ETV6: variants seen among roughly 807,000 people sequenced by gnomAD.
ETV6 encodes the protein ETS variant transcription factor 6.
ETV6 carries 16 observed loss-of-function variants against 51.1 expected under a neutral mutation model. That is an observed-to-expected ratio of 0.31 (90% confidence interval 0.21 to 0.48). The LOEUF is 0.48. Among genes scored for constraint, ETV6 ranks in the 20% least tolerant of loss-of-function variants. The probability of loss-of-function intolerance (pLI) is 0.99; values close to 1 mark genes in which losing one functional copy is unlikely to be tolerated. For synonymous variants in ETV6, 240 were observed against 224.1 expected (o/e 1.07, Z -0.64); for missense variants, 458 against 594.8 (o/e 0.77, Z 2.39).
At chr12:11,794,420 G>T (rs546044686) in intron 2 of ETV6, among the ~76,000 whole-genome samples, 1 of 152,146 alleles carries the variant, frequency 6.6e-6, no homozygotes, top group Non-Finnish European at 1.5e-5. Flanking sequence ...TCTAGTGCAC[G>T]CTCCAGGCGT....
In ETV6 at chr12:11,891,664, CTCTGTTCTTCCCTTGG is replaced by C; in HGVS notation, c.*621_*636del. On this transcript the variant is annotated 3_prime_UTR_variant, in exon 8 of 8. Coordinates refer to ENST00000396373, the MANE Select transcript of ETV6 (RefSeq NM_001987.5). ...GAGAGCTCTCTTTTTCTCTCTCTTG[CTCTGTTCTTCCCTTGG>C]TCCCCTCTGTCCTCCCGCCCTGCCT... is the stretch of plus-strand genomic sequence containing the variant. 1.9e-6 allele frequency: 1 copy of C among 518,540 alleles called. No individual in the cohort carries two copies. The highest frequency in any genetic ancestry group is 3.7e-6 in the Non-Finnish European group (1 of 269,696). The allele number at this position is 518,540 out of a possible 1,614,324, so 32.1% of individuals were successfully genotyped here.
chr12:11,836,913 C>A (rs749071449), intron 2 of ETV6, among the ~76,000 whole-genome samples: 48 of 152,342 alleles, frequency 3.2e-4, no homozygotes, highest in Non-Finnish European at 5.3e-4. Flanking sequence ...ACCAGACCTT[C>A]ACATGTGTCC....
intron 2 of ETV6, among the ~76,000 whole-genome samples, chr12:11,807,747 C>T (rs544807688): frequency 6.6e-6 from 1 of 152,248 alleles, no homozygotes; most frequent in South Asian, 2.1e-4. Context: ...ACAGGATGCA[C>T]CTGTCTAGAG....
chr12:11,742,737 A>G (rs1183045117), intron 1 of ETV6, among the ~76,000 whole-genome samples: 1 of 152,046 alleles, frequency 6.6e-6, no homozygotes, highest in Non-Finnish European at 1.5e-5. Context: ...TTGCATTAGT[A>G]GAGAACCTTT....
chr12:11,749,231 T>C (rs1202818682), intron 1 of ETV6, among the ~76,000 whole-genome samples: 1 of 151,724 alleles, frequency 6.6e-6, no homozygotes, highest in Non-Finnish European at 1.5e-5. Flanking sequence ...TCTGTAGCAT[T>C]TTAATTTAAT....
intron 2 of ETV6, among the ~76,000 whole-genome samples, chr12:11,792,718 T>C (rs1288006363): frequency 6.6e-6 from 1 of 151,666 alleles, no homozygotes; most frequent in East Asian, 1.9e-4. Flanking sequence ...TCTTTCAGTG[T>C]CAGGTCCCAT....
At chr12:11,879,640 T>C (rs996412909) in intron 5 of ETV6, among the ~76,000 whole-genome samples, 1 of 152,172 alleles carries the variant, frequency 6.6e-6, no homozygotes, top group African/African-American at 2.4e-5. Flanking sequence ...CTACTTCTCA[T>C]GGAAAAGAAA....
intron 2 of ETV6, among the ~76,000 whole-genome samples, chr12:11,777,625 C>T (rs1945349725): frequency 6.6e-6 from 1 of 152,080 alleles, no homozygotes. Flanking sequence ...CCTTGTCTTC[C>T]TGCTGTAAGT....
chr12:11,727,535 C>G (rs1380569915), intron 1 of ETV6, among the ~76,000 whole-genome samples: 3 of 152,248 alleles, frequency 2.0e-5, no homozygotes, highest in African/African-American at 7.2e-5. Context: ...TAAAGAAAGA[C>G]TCAGAGAAGA....
chr12:11,767,465 A>G (rs1945179633), intron 2 of ETV6, among the ~76,000 whole-genome samples: 1 of 151,936 alleles, frequency 6.6e-6, no homozygotes, highest in African/African-American at 2.4e-5. Context: ...GCATGGCTCG[A>G]CTCTGTGGGG....
chr12:11,695,942 C>T (rs527970120), intron 1 of ETV6, among the ~76,000 whole-genome samples: 1 of 152,202 alleles, frequency 6.6e-6, no homozygotes, highest in South Asian at 2.1e-4. Context: ...AATTACCAAG[C>T]CTCTTGCAGT....
chr12:11,650,362 C>T (rs534887961), intron 1 of ETV6, among the ~76,000 whole-genome samples: 2 of 148,300 alleles, frequency 1.3e-5, no homozygotes, highest in African/African-American at 2.5e-5. Flanking sequence ...ACCGCCGAGC[C>T]CCTGCCGGCT....
Position 11,891,562 on chromosome 12 carries a change from T to TGGATCAG in ETV6, c.*518_*524dup. 1 of 535,548 alleles carries TGGATCAG rather than the reference T, an allele frequency of 1.9e-6. No individual in the cohort carries two copies. The highest frequency in any genetic ancestry group is 1.5e-5 in the South Asian group (1 of 65,148). The allele number at this position is 535,548 out of a possible 1,614,324, so 33.2% of individuals were successfully genotyped here. A position where few individuals can be genotyped will look rare whatever the true frequency, so the allele number is the denominator to read the frequency against. Reference sequence around the variant, plus strand: ...TCAGGTTCCTCTTTTTCCTGCCACGTGGATCAGGTCTGTTCCTGTTACTGT... The same window carrying TGGATCAG: ...TCAGGTTCCTCTTTTTCCTGCCACGTGGATCAGGGATCAGGTCTGTTCCTGTTACTGT... On this transcript the variant is annotated 3_prime_UTR_variant, in exon 8 of 8. Transcript: ENST00000396373.
intron 7 of ETV6, among the ~76,000 whole-genome samples, chr12:11,887,306 C>T (rs939781935): frequency 2.0e-5 from 3 of 152,138 alleles, no homozygotes; most frequent in Non-Finnish European, 4.4e-5. Context: ...AGTGGTTAGG[C>T]TCTTAAATCT....
chr12:11,844,891 C>T (rs545238387), intron 3 of ETV6, among the ~76,000 whole-genome samples: 35 of 151,730 alleles, frequency 2.3e-4, no homozygotes, highest in Middle Eastern at 3.4e-3. Flanking sequence ...GAGTGCAGTG[C>T]CGTGATCTCG....
chr12:11,866,609 T>C (rs781656710), intron 4 of ETV6, among the ~76,000 whole-genome samples: 5 of 152,224 alleles, frequency 3.3e-5, no homozygotes, highest in Non-Finnish European at 7.3e-5. Flanking sequence ...CAGATCCCCT[T>C]GTCCTAGGGT....
chr12:11,654,072 C>T (rs1481219413), intron 1 of ETV6, among the ~76,000 whole-genome samples: 1 of 152,076 alleles, frequency 6.6e-6, no homozygotes, highest in Non-Finnish European at 1.5e-5. Flanking sequence ...CCTCAGCCTC[C>T]CAGAGTGCTG....
At chr12:11,790,407 C>G (rs907783224) in intron 2 of ETV6, among the ~76,000 whole-genome samples, 1 of 152,104 alleles carries the variant, frequency 6.6e-6, no homozygotes, top group African/African-American at 2.4e-5. Context: ...AACGTGCTCT[C>G]TAGGGTGGCC....
At chr12:11,785,045 T>C (rs1343957762) in intron 2 of ETV6, among the ~76,000 whole-genome samples, 1 of 151,918 alleles carries the variant, frequency 6.6e-6, no homozygotes, top group Non-Finnish European at 1.5e-5. Flanking sequence ...CAATGAGAAT[T>C]GTAAGCAATG....
Sources: gnomAD v4.1 joint callset for allele counts (sites outside exome capture counted in the v4.1 genomes callset) on GRCh38, gnomAD v4.1.1 for gene constraint, MANE v1.5 for transcripts, NCBI Gene and HGNC (gene_info 2026-07-23, HGNC 2026-07-21) for gene names.